DRC8: variants seen among roughly 807,000 people sequenced by gnomAD.
DRC8 encodes the protein dynein regulatory complex protein 8.
the DRC8 span, among the ~76,000 whole-genome samples, chr1:244,997,182 T>C: frequency 1.3e-5 from 2 of 152,192 alleles, no homozygotes; most frequent in Non-Finnish European, 1.5e-5. Flanking sequence ...ATTGTGTAGC[T>C]CTGACCTTTT....
chr1:245,113,608 C>T, the DRC8 span, among the ~76,000 whole-genome samples: 1 of 152,036 alleles, frequency 6.6e-6, no homozygotes, highest in Admixed American at 6.6e-5. Context: ...TAATATGCCA[C>T]TTATGATCAT....
chr1:245,059,144 C>G, the DRC8 span, among the ~76,000 whole-genome samples: 355 of 152,316 alleles, frequency 2.3e-3, 1 homozygote, highest in African/African-American at 7.4e-3. Context: ...CTTTTTCTTT[C>G]TAGAACTTTT....
the DRC8 span, among the ~76,000 whole-genome samples, chr1:245,033,537 TA>T: frequency 6.6e-6 from 1 of 152,186 alleles, no homozygotes; most frequent in Non-Finnish European, 1.5e-5. Context: ...CTAAGAATCT[TA>T]AAAAAGAGTT....
chr1:245,030,221 G>A, the DRC8 span, among the ~76,000 whole-genome samples: 1 of 152,196 alleles, frequency 6.6e-6, no homozygotes. Context: ...GTGTATTCCT[G>A]TGGCCCCACA....
the DRC8 span, among the ~76,000 whole-genome samples, chr1:245,112,531 A>C: frequency 7.6e-4 from 115 of 152,180 alleles, no homozygotes; most frequent in African/African-American, 2.6e-3. Context: ...AGACATTGTG[A>C]AAGCAGGTAA....
chr1:244,972,259 A>G, the DRC8 span, among the ~76,000 whole-genome samples: 22 of 152,354 alleles, frequency 1.4e-4, no homozygotes, highest in East Asian at 4.2e-3. Flanking sequence ...CATTATGTAG[A>G]TAAGGCATTC....
At chr1:245,079,217 C>T in the DRC8 span, among the ~76,000 whole-genome samples, 1 of 152,068 alleles carries the variant, frequency 6.6e-6, no homozygotes, top group African/African-American at 2.4e-5. Context: ...TGGATACGGC[C>T]TCTAGAGGAC....
At chr1:245,083,852 G>T in the DRC8 span, 1 of 961,692 alleles carries the variant, frequency 1.0e-6, no homozygotes, top group Non-Finnish European at 1.5e-6. Context: ...TTCTGTGGGG[G>T]TTAAGAGGAC....
chr1:244,991,163 C>G, the DRC8 span, among the ~76,000 whole-genome samples: 1 of 152,152 alleles, frequency 6.6e-6, no homozygotes, highest in Non-Finnish European at 1.5e-5. Flanking sequence ...TATAAAGGTT[C>G]ACAGAACTCA....
chr1:245,057,033 A>C, the DRC8 span, among the ~76,000 whole-genome samples: 1 of 152,182 alleles, frequency 6.6e-6, no homozygotes, highest in South Asian at 2.1e-4. Context: ...CTTCCAAAAA[A>C]AGGGAAGTGA....
the DRC8 span, among the ~76,000 whole-genome samples, chr1:245,040,634 A>G: frequency 6.6e-6 from 1 of 152,206 alleles, no homozygotes; most frequent in African/African-American, 2.4e-5. Flanking sequence ...TTTTCAAGCT[A>G]TAAAGTGTTC....
the DRC8 span, among the ~76,000 whole-genome samples, chr1:244,973,934 G>T: frequency 1.9e-3 from 294 of 152,100 alleles, no homozygotes; most frequent in Non-Finnish European, 2.8e-3. Flanking sequence ...ATACTTATTT[G>T]TAGCATTTTT....
the DRC8 span, chr1:245,002,271 A>G: frequency 7.7e-4 from 1,169 of 1,524,164 alleles, 1 homozygote; most frequent in Non-Finnish European, 1.0e-3. Flanking sequence ...CACTGTGTCA[A>G]TCGCTTAACC....
At chr1:244,992,988 G>A in the DRC8 span, among the ~76,000 whole-genome samples, 1,036 of 152,298 alleles carry the variant, frequency 6.8e-3, 11 homozygotes, top group African/African-American at 0.024. Context: ...GTTGGCTGGA[G>A]GCCTCAGTTT....
the DRC8 span, among the ~76,000 whole-genome samples, chr1:245,018,919 C>A: frequency 6.6e-6 from 1 of 152,190 alleles, no homozygotes; most frequent in Non-Finnish European, 1.5e-5. Context: ...CGCCAAGTCT[C>A]TTGCTACACT....
At chr1:245,088,040 C>A in the DRC8 span, among the ~76,000 whole-genome samples, 3 of 152,008 alleles carry the variant, frequency 2.0e-5, no homozygotes, top group Non-Finnish European at 4.4e-5. The surrounding 1 kb of genome is among the most constrained non-coding windows in gnomAD (Gnocchi z 4.6). Flanking sequence ...GAATTCTCAC[C>A]CACTCCGCAT....
chr1:245,073,742 T>C, the DRC8 span, among the ~76,000 whole-genome samples: 5 of 152,182 alleles, frequency 3.3e-5, 1 homozygote, highest in Admixed American at 1.3e-4. Context: ...AATATGTGGA[T>C]ATAGCATTGT....
chr1:245,057,752 T>C, the DRC8 span, among the ~76,000 whole-genome samples: 2 of 152,110 alleles, frequency 1.3e-5, no homozygotes, highest in Non-Finnish European at 2.9e-5. Context: ...GTCAGGGCAA[T>C]TGGGATATCC....
At chr1:245,006,549 C>A in the DRC8 span, among the ~76,000 whole-genome samples, 1 of 152,082 alleles carries the variant, frequency 6.6e-6, no homozygotes, top group Non-Finnish European at 1.5e-5. Context: ...AAGTGATCCA[C>A]CCACCTAGGC....
Sources: allele counts gnomAD v4.1 joint callset (sites outside exome capture counted in the v4.1 genomes callset), GRCh38; gene constraint gnomAD v4.1.1; non-coding constraint Gnocchi (gnomAD v3.1); transcripts MANE v1.5; gene names NCBI Gene and HGNC (gene_info 2026-07-23, HGNC 2026-07-21).